Variants in WWOX observed in about 807,000 individuals in gnomAD.
WWOX encodes WW domain containing oxidoreductase.
In WWOX, 69 loss-of-function variants were observed where a neutral mutation model predicts 46.2. That is an observed-to-expected ratio of 1.49 (90% CI 1.23 to 1.82). The LOEUF (loss-of-function observed/expected upper bound fraction) is 1.82, where lower values mean the gene tolerates loss of function less well. WWOX is among the 40% of genes most tolerant of loss of function. The pLI is 0.00. For missense variants in WWOX, 919 were observed against 542.6 expected, an observed-to-expected ratio of 1.69 and a Z score of -6.89; for synonymous variants, 359 against 202.6, an observed-to-expected ratio of 1.77 and a Z score of -6.56.
intron 4 of WWOX, among the ~76,000 whole-genome samples, chr16:78,149,458 G>A (rs949985504): frequency 1.7e-4 from 26 of 152,204 alleles, no homozygotes; most frequent in Admixed American, 1.6e-3. Flanking sequence ...GAAATATCAA[G>A]TAAAAGAGAA....
chr16:78,554,860 G>C (rs1314266848), intron 8 of WWOX, among the ~76,000 whole-genome samples: 1 of 152,178 alleles, frequency 6.6e-6, no homozygotes, highest in Non-Finnish European at 1.5e-5. Context: ...TGAAGACAGA[G>C]GTGGGACCTG....
intron 8 of WWOX, among the ~76,000 whole-genome samples, chr16:78,718,436 G>C (rs1278950435): frequency 1.3e-5 from 2 of 152,080 alleles, no homozygotes; most frequent in African/African-American, 4.8e-5. Context: ...CACTTGAGTT[G>C]GAGCCAAACT....
At chr16:78,500,624 C>T (rs1026417598) in intron 8 of WWOX, among the ~76,000 whole-genome samples, 19 of 152,158 alleles carry the variant, frequency 1.2e-4, no homozygotes, top group African/African-American at 4.6e-4. Flanking sequence ...TGACTCATTA[C>T]AATTTATAAA....
At chr16:78,569,904 A>G (rs116446949) in intron 8 of WWOX, among the ~76,000 whole-genome samples, 1 of 152,070 alleles carries the variant, frequency 6.6e-6, no homozygotes, top group African/African-American at 2.4e-5. Flanking sequence ...ATAAATACCC[A>G]TCGGTACCTC....
At chr16:78,203,579 A>G (rs912370356) in intron 5 of WWOX, among the ~76,000 whole-genome samples, 3 of 152,206 alleles carry the variant, frequency 2.0e-5, no homozygotes, top group Non-Finnish European at 4.4e-5. Context: ...TTAGTTGACA[A>G]GAAGACCGTA....
chr16:79,010,144 A>G (rs2047274448), intron 8 of WWOX, among the ~76,000 whole-genome samples: 1 of 152,170 alleles, frequency 6.6e-6, no homozygotes, highest in South Asian at 2.1e-4. Flanking sequence ...TTGCTTTTTA[A>G]AAATAATCCA....
intron 5 of WWOX, among the ~76,000 whole-genome samples, chr16:78,297,248 G>C (rs1336645628): frequency 6.6e-6 from 1 of 152,102 alleles, no homozygotes. Flanking sequence ...GTAAACCTGA[G>C]AATGGTTTCT....
chr16:78,133,034 A>G (rs80313824), intron 4 of WWOX, among the ~76,000 whole-genome samples: 6,596 of 152,212 alleles, frequency 0.043, 528 homozygotes, highest in African/African-American at 0.15. Flanking sequence ...AATTCCAAGC[A>G]AACTTTTTAC....
chr16:78,954,018 T>C (rs1336286974), intron 8 of WWOX, among the ~76,000 whole-genome samples: 1 of 152,250 alleles, frequency 6.6e-6, no homozygotes, highest in African/African-American at 2.4e-5. Flanking sequence ...TTTGCTTTCA[T>C]AGGTTATTTC....
rs534038841 is a variant in WWOX at position 78,247,061 on chromosome 16, A to C, written c.516+82772A>C. Among the ~76,000 whole-genome samples the C allele has an allele frequency of 1.1e-3, 164 of 152,258 alleles. 1 individual carries two copies. Among genetic ancestry groups the C allele is most frequent in the African/African-American group, 3.8e-3 (158 of 41,558 alleles). On this transcript the variant is annotated intron_variant, in intron 5 of 8. Transcript: ENST00000566780. ...TTGAAAGATGTATTTTGTATATCTT[A>C]ATGTCAGTTATGTTTACGTGTTTGC...
Position 78,951,685 on chromosome 16 carries a change from C to T in WWOX, c.1057-259923C>T, listed in dbSNP as rs540038774. Among the ~76,000 whole-genome samples, 76 of 152,294 alleles carry T rather than the reference C, an allele frequency of 5.0e-4. 1 individual carries two copies. Among genetic ancestry groups the T allele is most frequent in the African/African-American group, 1.5e-3 (62 of 41,552 alleles). On this transcript the variant is annotated intron_variant, in intron 8 of 8. Coordinates refer to ENST00000566780, the MANE Select transcript of WWOX (RefSeq NM_016373.4). ...TCATTGCCAGTGGAATTCAGGACTG[C>T]GGTTCTACCCAGTACCGGGGAACCA...
intron 6 of WWOX, among the ~76,000 whole-genome samples, chr16:78,393,257 C>T (rs1197961515): frequency 6.6e-6 from 1 of 152,158 alleles, no homozygotes; most frequent in Admixed American, 6.5e-5. Flanking sequence ...CATTTTCCTT[C>T]CTAGCAGTAG....
intron 8 of WWOX, among the ~76,000 whole-genome samples, chr16:78,900,011 C>T (rs1169068304): frequency 6.6e-6 from 1 of 150,950 alleles, no homozygotes. Context: ...TATATTCCCT[C>T]CTTGGGCTAC....
At chr16:78,760,577 CT>C (rs1434486584) in intron 8 of WWOX, among the ~76,000 whole-genome samples, 2 of 152,156 alleles carry the variant, frequency 1.3e-5, no homozygotes, top group Admixed American at 1.3e-4. Context: ...CCACAATGCA[CT>C]TGGGGTTTTG....
chr16:78,255,667 A>G (rs2038109655), intron 5 of WWOX, among the ~76,000 whole-genome samples: 1 of 152,202 alleles, frequency 6.6e-6, no homozygotes, highest in Admixed American at 6.5e-5. Context: ...TTGAGATGCC[A>G]GAGACACACC....
chr16:79,019,561 G>A (rs72793697), intron 8 of WWOX, among the ~76,000 whole-genome samples: 27,002 of 151,970 alleles, frequency 0.18, 2,556 homozygotes, highest in East Asian at 0.29. Flanking sequence ...CATGACTATC[G>A]TCTCTTTTAG....
At chr16:78,641,289 C>G (rs540799735) in intron 8 of WWOX, among the ~76,000 whole-genome samples, 8 of 152,108 alleles carry the variant, frequency 5.3e-5, no homozygotes, top group Admixed American at 1.3e-4. Context: ...GAGCCACAAT[C>G]AAATGCAAAT....
chr16:78,920,529 G>A (rs914711588), intron 8 of WWOX, among the ~76,000 whole-genome samples: 9 of 152,138 alleles, frequency 5.9e-5, no homozygotes, highest in East Asian at 1.9e-4. Context: ...TGTCAGTCAC[G>A]TAGAAAGCAG....
intron 4 of WWOX, among the ~76,000 whole-genome samples, chr16:78,115,650 C>A (rs1344715170): frequency 1.3e-5 from 2 of 152,166 alleles, no homozygotes; most frequent in African/African-American, 4.8e-5. Flanking sequence ...CCTGTCTTCA[C>A]CTCTTAATTG....
Sources: allele counts gnomAD v4.1 joint callset (sites outside exome capture counted in the v4.1 genomes callset), GRCh38; gene constraint gnomAD v4.1.1; transcripts MANE v1.5; gene names NCBI Gene and HGNC (gene_info 2026-07-23, HGNC 2026-07-21).